RLF: variants seen among roughly 807,000 people sequenced by gnomAD.
The protein encoded by RLF is RLF zinc finger, also known as zinc finger protein Rlf.
RLF carries 7 observed loss-of-function variants against 162.9 expected under a neutral mutation model. That is an observed-to-expected ratio of 0.04 (90% CI 0.02 to 0.08). The LOEUF is 0.08. RLF is among the 10% of genes least tolerant of loss of function. RLF has a pLI of 1.00. For missense variants in RLF, 1,664 were observed against 2,244.7 expected, an observed-to-expected ratio of 0.74 and a Z score of 5.23; for synonymous variants, 782 against 791.5, an observed-to-expected ratio of 0.99 and a Z score of 0.20.
In RLF at chr1:40,239,200, CAG is replaced by C; in HGVS notation, c.4499_4500del (p.Gln1500ArgfsTer3). On this transcript the variant is annotated frameshift_variant, in exon 8 of 8. Coordinates refer to ENST00000372771, the MANE Select transcript of RLF (RefSeq NM_012421.4). LOFTEE classifies it high-confidence loss of function. The stretch of plus-strand genomic sequence containing the variant: ...AAAGGTATGTCAAACAGCTGATACT[CAG>C]GGGCATGAACATCAGACCACCAGGA... ...SEKVCQTADT[Q>X]GHEHQTTRRS... The C allele has an allele frequency of 6.2e-7, 1 of 1,614,106 alleles. No individual in the cohort carries two copies.
chr1:40,222,450 C>T (rs1029244417), intron 5 of RLF, 124 bp from the exon 6 acceptor site: 31 of 744,536 alleles, frequency 4.2e-5, no homozygotes, highest in Non-Finnish European at 6.4e-5. Context: ...CAAGAAGACT[C>T]ATTCATTAGC....
At chr1:40,208,233 C>T (rs1322343392) in intron 5 of RLF, among the ~76,000 whole-genome samples, 1 of 152,066 alleles carries the variant, frequency 6.6e-6, no homozygotes, top group Non-Finnish European at 1.5e-5. Flanking sequence ...AGCACAGATA[C>T]GGGATGCAGA....
chr1:40,237,344 A>G lies in RLF; in HGVS notation c.2642A>G (p.Asp881Gly). The G allele has an allele frequency of 6.2e-7, 1 of 1,613,954 alleles. No individual in the cohort carries two copies. Among genetic ancestry groups the G allele is most frequent in the East Asian group, 2.2e-5 (1 of 44,874 alleles). The part of the protein sequence containing the change: ...FCAESANSQI[D>G]TETAENLKEN... ...GCAGAATCAGCTAATTCTCAAATAG[A>G]TACAGAAACTGCAGAAAACCTGAAA... The change falls in exon 8 of 8, where the codon GAT becomes GGT. Residue 881 changes from aspartate to glycine, a missense_variant. Physicochemically the swap from Asp to Gly is moderately conservative, Grantham distance 94. Transcript: ENST00000372771. The surrounding 1 kb of genome is among the most constrained non-coding windows in gnomAD (Gnocchi z 4.4).
chr1:40,214,846 C>G (rs1642903409), intron 5 of RLF, among the ~76,000 whole-genome samples: 1 of 133,292 alleles, frequency 7.5e-6, no homozygotes, highest in African/African-American at 2.9e-5. Flanking sequence ...TCACTTGAGC[C>G]TGGGAGGTCA....
intron 3 of RLF, among the ~76,000 whole-genome samples, chr1:40,194,973 A>G (rs1339741799): frequency 1.3e-5 from 2 of 149,148 alleles, no homozygotes; most frequent in African/African-American, 2.4e-5. Flanking sequence ...AGCTGGAACT[A>G]TAGGTGGGTG....
chr1:40,230,677 C>A (rs1268153795), intron 6 of RLF, among the ~76,000 whole-genome samples: 1 of 152,124 alleles, frequency 6.6e-6, no homozygotes, highest in Non-Finnish European at 1.5e-5. Context: ...AAGTGATCTG[C>A]CCCCCTTCAC....
intron 3 of RLF, 81 bp from the exon 4 acceptor site, chr1:40,195,551 A>T: frequency 9.1e-7 from 1 of 1,094,244 alleles, no homozygotes; most frequent in Non-Finnish European, 1.3e-6. Flanking sequence ...TTCAATTCCT[A>T]GGTGTATCAG....
At chr1:40,229,980 G>A (rs1237663831) in intron 6 of RLF, among the ~76,000 whole-genome samples, 1 of 152,026 alleles carries the variant, frequency 6.6e-6, no homozygotes, top group East Asian at 2.0e-4. Flanking sequence ...CAGGCGTGGT[G>A]GCACATGCCT....
chr1:40,222,994 G>A (rs1324767696), intron 6 of RLF, among the ~76,000 whole-genome samples: 1 of 137,290 alleles, frequency 7.3e-6, no homozygotes, highest in Non-Finnish European at 1.5e-5. Context: ...ACCTGTGTTA[G>A]TTAGATTGTT....
At chr1:40,197,325 A>G (rs1642650967) in intron 4 of RLF, among the ~76,000 whole-genome samples, 1 of 152,206 alleles carries the variant, frequency 6.6e-6, no homozygotes, top group Non-Finnish European at 1.5e-5. Context: ...CCCCTTGTAA[A>G]TGTAGGTAGA....
intron 1 of RLF, among the ~76,000 whole-genome samples, chr1:40,180,052 G>A (rs1228621647): frequency 3.9e-5 from 6 of 152,110 alleles, no homozygotes; most frequent in African/African-American, 7.2e-5. Flanking sequence ...GAACACGCGT[G>A]TACAAATACC....
At position 40,177,011 on chromosome 1, in the gene RLF, C is replaced by T. The variant is rs186426923; in HGVS notation, c.238-12044C>T. Among the ~76,000 whole-genome samples, 475 of 149,482 alleles carry T rather than the reference C, an allele frequency of 3.2e-3. 2 individuals are homozygous for T. Among genetic ancestry groups the T allele is most frequent in the African/African-American group, 0.011 (433 of 40,710 alleles). ...ATTAATTAATTTTTTTTTTTGAGAC[C>T]GAGTCTCACTTTGTCGTCCAGGCAG... On this transcript the variant is annotated intron_variant, in intron 1 of 7. Transcript: ENST00000372771.
rs1570556283 is a variant in RLF, at chr1:40,222,512, A to G, written c.811-62A>G. Reference sequence around the variant, plus strand: ...GCCTCATTAAGAAGTTTCACCTTATATAACAAAGTTTACTGAAAAGTCACC... The same window carrying G: ...GCCTCATTAAGAAGTTTCACCTTATGTAACAAAGTTTACTGAAAAGTCACC... On this transcript the variant is annotated intron_variant, in intron 5 of 7. Transcript: ENST00000372771. The G allele has an allele frequency of 9.6e-6, 15 of 1,559,950 alleles. No homozygotes were observed. The East Asian group carries it at 2.3e-4, about 23-fold the overall frequency.
chr1:40,170,610 T>G (rs893436324), intron 1 of RLF, among the ~76,000 whole-genome samples: 1 of 152,208 alleles, frequency 6.6e-6, no homozygotes, highest in Admixed American at 6.5e-5. Flanking sequence ...TCTCGCTATT[T>G]GCAGATACTG....
chr1:40,196,806 G>A (rs1642644372), intron 4 of RLF, among the ~76,000 whole-genome samples: 1 of 152,172 alleles, frequency 6.6e-6, no homozygotes, highest in Non-Finnish European at 1.5e-5. Context: ...TGGCCAGAAT[G>A]AAATATCTTA....
chr1:40,221,623 G>A (rs1196607428), intron 5 of RLF, among the ~76,000 whole-genome samples: 2 of 151,184 alleles, frequency 1.3e-5, no homozygotes, highest in African/African-American at 2.4e-5. Flanking sequence ...AAAAAAGGCC[G>A]GGCACGGTGG....
At chr1:40,215,179 A>T (rs1276779022) in intron 5 of RLF, among the ~76,000 whole-genome samples, 1 of 152,162 alleles carries the variant, frequency 6.6e-6, no homozygotes, top group Non-Finnish European at 1.5e-5. Context: ...CAAATGGACA[A>T]TTCAAACATG....
Position 40,240,378 on chromosome 1 carries a change from G to A in RLF, c.5676G>A (p.Lys1892=). The A allele has an allele frequency of 6.2e-7, 1 of 1,614,100 alleles. No individual in the cohort carries two copies. The highest frequency in any genetic ancestry group is 8.5e-7 in the Non-Finnish European group (1 of 1,180,022). Residue 1892 remains lysine (K), a synonymous_variant, in exon 8 of 8, where the codon AAG becomes AAA. Coordinates refer to ENST00000372771, the MANE Select transcript of RLF (RefSeq NM_012421.4). ...LRPVVVLERS[K]FSTPILDLFP... ...CAGTGGTGGTTCTTGAAAGATCTAA[G>A]TTTTCCACACCAATTTTAGACTTAT...
chr1:40,174,704 T>C (rs1410702420), intron 1 of RLF, among the ~76,000 whole-genome samples: 1 of 152,176 alleles, frequency 6.6e-6, no homozygotes, highest in Non-Finnish European at 1.5e-5. Flanking sequence ...TTTTAAAAAC[T>C]CATTTGAATA....
Sources: gnomAD v4.1 joint callset for allele counts (sites outside exome capture counted in the v4.1 genomes callset) on GRCh38, gnomAD v4.1.1 for gene constraint, Gnocchi (gnomAD v3.1) non-coding constraint, MANE v1.5 for transcripts, NCBI Gene and HGNC (gene_info 2026-07-23, HGNC 2026-07-21) for gene names.